The following KIAA1549L variants were observed in gnomAD, a reference collection of about 807,000 sequenced individuals.
KIAA1549L encodes UPF0606 protein KIAA1549L.
In KIAA1549L, 88 loss-of-function variants were observed where a neutral mutation model predicts 160.7. The observed-to-expected ratio is 0.55, with a 90% CI of 0.46 to 0.65. KIAA1549L has a LOEUF of 0.65. Ranked by LOEUF, KIAA1549L falls within the 30% of genes least tolerant of loss-of-function variation. KIAA1549L has a pLI of 0.00. For missense variants in KIAA1549L, 2,258 were observed against 2,437.5 expected (o/e 0.93, Z 1.55); for synonymous variants, 950 against 976.7 (o/e 0.97, Z 0.51).
intron 1 of KIAA1549L, among the ~76,000 whole-genome samples, chr11:33,443,198 T>G (rs1304052019): frequency 8.5e-5 from 13 of 152,152 alleles, no homozygotes. Flanking sequence ...CAGGGTCTTG[T>G]TATGTTGCCC....
intron 19 of KIAA1549L, among the ~76,000 whole-genome samples, chr11:33,659,558 T>A (rs1186760951): frequency 1.3e-5 from 2 of 152,256 alleles, no homozygotes; most frequent in Non-Finnish European, 2.9e-5. Flanking sequence ...ACATTGAGGT[T>A]TGTACATGAC....
In KIAA1549L at chr11:33,543,921, T is replaced by G. The variant is rs780701296; in HGVS notation, c.2358T>G (p.Pro786=). ...TCCTCGGTACAAGCATTGAGCAGCC[T>G]GTGCAACAGTCAGACATGACCATGG... ...DLVLGTSIEQ[P]VQQSDMTMVG... Residue 786 remains proline (P), a synonymous_variant, in exon 2 of 21, where the codon CCT becomes CCG. Coordinates refer to ENST00000658780, the MANE Select transcript of KIAA1549L (RefSeq NM_012194.3). The G allele has an allele frequency of 3.1e-6, 5 of 1,614,056 alleles. No homozygotes were observed. The highest frequency in any genetic ancestry group is 1.6e-4 in the Middle Eastern group (1 of 6,062).
At chr11:33,430,005 C>G in intron 1 of KIAA1549L, among the ~76,000 whole-genome samples, 1 of 91,242 alleles carries the variant, frequency 1.1e-5, no homozygotes, top group Non-Finnish European at 2.1e-5. Context: ...CTCTGCTCTG[C>G]CCTCCCTTCC....
At position 33,575,290 on chromosome 11, in the gene KIAA1549L, A is replaced by G. The variant is rs572933287; in HGVS notation, c.4402+417A>G. On this transcript the variant is annotated intron_variant, in intron 10 of 20. Transcript: ENST00000658780. ...TGGCTCCTGCCCTTAAGGAGCAGGG[A>G]GACTTAATGCAGGTGCAGTGGCACA... 3.3e-4 allele frequency among the ~76,000 whole-genome samples: 51 copies of G among 152,340 alleles called. 1 individual carries two copies. The highest frequency in any genetic ancestry group is 3.4e-3 in the Middle Eastern group (1 of 294).
intron 16 of KIAA1549L, 140 bp downstream of exon 16, chr11:33,618,802 A>G (rs1004281794): frequency 1.2e-6 from 1 of 828,996 alleles, no homozygotes. Flanking sequence ...TTTTTTTATT[A>G]CCTATTTTGC....
chr11:33,592,892 T>C (rs1386625461), intron 12 of KIAA1549L, among the ~76,000 whole-genome samples: 4 of 152,142 alleles, frequency 2.6e-5, no homozygotes, highest in African/African-American at 9.7e-5. Flanking sequence ...ACGAAACAGA[T>C]GGAACAGTTT....
At position 33,574,710 on chromosome 11, in the gene KIAA1549L, G is replaced by T. The variant is rs1393059336; in HGVS notation, c.4239G>T (p.Lys1413Asn). 1 of 1,608,882 alleles carries T rather than the reference G, an allele frequency of 6.2e-7. No individual in the cohort carries two copies. Among genetic ancestry groups the T allele is most frequent in the Admixed American group, 1.7e-5 (1 of 59,530 alleles). Residue 1413 changes from lysine (K) to asparagine (N), a missense_variant, in exon 10 of 21, where the codon AAG becomes AAT. By Grantham distance (94) the Lys-to-Asn change is moderately conservative. Coordinates refer to ENST00000658780, the MANE Select transcript of KIAA1549L (RefSeq NM_012194.3). ...TLGSYTVQMVKMQRVPGPKDP... is the reference protein window; with the variant it reads ...TLGSYTVQMVNMQRVPGPKDP... The stretch of plus-strand genomic sequence containing the variant: ...CTCTCTTTTTCCGAAAGATGGTGAA[G>T]ATGCAGCGTGTCCCAGGCCCGAAGG...
intron 14 of KIAA1549L, among the ~76,000 whole-genome samples, chr11:33,609,405 A>C (rs1850588394): frequency 6.6e-6 from 1 of 152,230 alleles, no homozygotes; most frequent in South Asian, 2.1e-4. Flanking sequence ...TGGCGGAGGC[A>C]CCCACACAGA....
At chr11:33,638,362 T>C (rs1383678110) in intron 16 of KIAA1549L, among the ~76,000 whole-genome samples, 2 of 130,284 alleles carry the variant, frequency 1.5e-5, no homozygotes, top group East Asian at 4.4e-4. Context: ...GTATGTACTC[T>C]TTTGTGTCTG....
intron 1 of KIAA1549L, among the ~76,000 whole-genome samples, chr11:33,537,788 A>T (rs1416379248): frequency 6.6e-6 from 1 of 152,164 alleles, no homozygotes; most frequent in Admixed American, 6.5e-5. Flanking sequence ...GTAAACTGAT[A>T]CCCCAGGGTC....
chr11:33,668,379 A>C lies in KIAA1549L; in HGVS notation c.*225A>C, dbSNP rs963935072. On this transcript the variant is annotated 3_prime_UTR_variant, in exon 21 of 21. Transcript: ENST00000658780. ...GGTCAAGTCCCTGGCTTGGGGCCTT[A>C]TGTTTGATACTCTCTCATGTCAAAT... is the stretch of plus-strand genomic sequence containing the variant. 4.3e-5 allele frequency: 25 copies of C among 579,842 alleles called. No homozygotes were observed. Among genetic ancestry groups the C allele is most frequent in the Non-Finnish European group, 7.0e-5 (23 of 326,910 alleles). The allele number at this position is 579,842 out of a possible 1,614,324, so 35.9% of individuals were successfully genotyped here. A position where few individuals can be genotyped will look rare whatever the true frequency, so the allele number is the denominator to read the frequency against.
Position 33,435,800 on chromosome 11 carries a change from A to ATGTGTG in KIAA1549L, c.238+58912_238+58913insGTGTGT, listed in dbSNP as rs1309350867. On this transcript the variant is annotated intron_variant, in intron 1 of 20. Transcript: ENST00000658780. Reference sequence around the variant, plus strand: ...TATATATATATATATATATATATATATATATATATATGTGTGTGTATATAT... The same window carrying ATGTGTG: ...TATATATATATATATATATATATATATGTGTGTATATATATATGTGTGTGTATATAT... Among the ~76,000 whole-genome samples, 27 of 12,884 alleles carry ATGTGTG rather than the reference A, an allele frequency of 2.1e-3. 1 individual carries two copies. Among genetic ancestry groups the ATGTGTG allele is most frequent in the South Asian group, 6.2e-3 (2 of 322 alleles). The allele number at this position is 12,884 out of a possible 152,430, so 8.5% of individuals were successfully genotyped here.
chr11:33,568,258 T>A (rs753875518), intron 9 of KIAA1549L, 31 bp downstream of exon 9: 3 of 1,561,740 alleles, frequency 1.9e-6, no homozygotes. Flanking sequence ...TGGGGTTTTC[T>A]AATAACTGGG....
chr11:33,470,113 C>A (rs1391585297), intron 1 of KIAA1549L, among the ~76,000 whole-genome samples: 1 of 152,026 alleles, frequency 6.6e-6, no homozygotes, highest in Non-Finnish European at 1.5e-5. Flanking sequence ...TGAGAATTTA[C>A]TCCTATGTTT....
chr11:33,384,581 C>T (rs1047252452), intron 1 of KIAA1549L, among the ~76,000 whole-genome samples: 8 of 151,980 alleles, frequency 5.3e-5, no homozygotes, highest in African/African-American at 1.9e-4. Context: ...TCTAGTTGTT[C>T]CTCTGTATCC....
At chr11:33,450,420 CATG>C (rs1851696269) in intron 1 of KIAA1549L, among the ~76,000 whole-genome samples, 1 of 152,034 alleles carries the variant, frequency 6.6e-6, no homozygotes, top group African/African-American at 2.4e-5. Context: ...ATTAGCTAGA[CATG>C]GTGGTGCACA....
chr11:33,443,929 GC>G (rs1271683173), intron 1 of KIAA1549L, among the ~76,000 whole-genome samples: 1 of 152,148 alleles, frequency 6.6e-6, no homozygotes, highest in African/African-American at 2.4e-5. Flanking sequence ...AGGCTCTACT[GC>G]AGTCTTCTCA....
At chr11:33,587,064 G>A (rs1451817238) in intron 11 of KIAA1549L, among the ~76,000 whole-genome samples, 2 of 152,110 alleles carry the variant, frequency 1.3e-5, no homozygotes, top group Non-Finnish European at 2.9e-5. Flanking sequence ...TCTGTAAAAT[G>A]GAGATATAAC....
rs760336987 is a variant in KIAA1549L at position 33,668,049 on chromosome 11, C to T, written c.6336C>T (p.Asp2112=). ...GCCTGGCAGAAAACGACCCGTCTGA[C>T]GCTCCCCTGACCAACATCTCCACTG... ...QQSLAENDPS[D]APLTNISTAA... Residue 2112 remains aspartate, a synonymous_variant, in exon 21 of 21, where the codon GAC becomes GAT. Coordinates refer to ENST00000658780, the MANE Select transcript of KIAA1549L (RefSeq NM_012194.3). The T allele has an allele frequency of 2.5e-5, 40 of 1,613,910 alleles. No homozygotes were observed. Among genetic ancestry groups the T allele is most frequent in the South Asian group, 1.4e-4 (13 of 91,090 alleles).
Sources: allele counts gnomAD v4.1 joint callset (sites outside exome capture counted in the v4.1 genomes callset), GRCh38; gene constraint gnomAD v4.1.1; transcripts MANE v1.5; gene names NCBI Gene and HGNC (gene_info 2026-07-23, HGNC 2026-07-21).